Variants in MTUS2 observed in about 807,000 individuals in gnomAD.
MTUS2 encodes microtubule-associated tumor suppressor candidate 2.
A neutral mutation model predicts 114.1 loss-of-function variants in MTUS2; 40 were observed. The observed-to-expected ratio is 0.35, with a 90% confidence interval of 0.27 to 0.46. The LOEUF (loss-of-function observed/expected upper bound fraction) is 0.46, where lower values mean the gene tolerates loss of function less well. Among genes scored for constraint, MTUS2 ranks in the 20% least tolerant of loss-of-function variants. The pLI, the probability that MTUS2 is intolerant of heterozygous loss-of-function variation, is 1.00. For missense variants in MTUS2, 1,679 were observed against 1,705.4 expected (o/e 0.98, Z 0.27); for synonymous variants, 688 against 672.0 (o/e 1.02, Z -0.37).
intron 4 of MTUS2, 75 bp downstream of exon 4, chr13:29,034,200 C>T: frequency 6.3e-7 from 1 of 1,584,332 alleles, no homozygotes; most frequent in Non-Finnish European, 8.6e-7. Flanking sequence ...TGATAATTGT[C>T]TAAAATATGA....
In MTUS2 at chr13:29,496,812, G is replaced by A. The variant is rs1486292413; in HGVS notation, c.3580-426G>A. On this transcript the variant is annotated intron_variant, in intron 12 of 15. Transcript: ENST00000612955. The surrounding 1 kb of genome is among the most constrained non-coding windows in gnomAD (Gnocchi z 4.3). ...TCCCAAGGGAGAGAAAGAAGTCAAG[G>A]AGGGTTTGAAGGGATCTGAATTGAG... Among the ~76,000 whole-genome samples the A allele has an allele frequency of 6.6e-6, 1 of 152,048 alleles. No homozygotes were observed. Among genetic ancestry groups the A allele is most frequent in the African/African-American group, 2.4e-5 (1 of 41,362 alleles).
intron 2 of MTUS2, among the ~76,000 whole-genome samples, chr13:28,950,982 A>C (rs73439441): frequency 0.067 from 10,175 of 152,214 alleles, 1,066 homozygotes; most frequent in African/African-American, 0.22. Context: ...TACCTGTAAA[A>C]GACATCTAAA....
chr13:29,118,574 G>A (rs1321528940), intron 5 of MTUS2, among the ~76,000 whole-genome samples: 1 of 152,190 alleles, frequency 6.6e-6, no homozygotes, highest in Non-Finnish European at 1.5e-5. Flanking sequence ...AGTGCTCGTG[G>A]GAAGCTGAGT....
At chr13:29,346,866 T>C (rs1868748597) in intron 7 of MTUS2, among the ~76,000 whole-genome samples, 1 of 149,590 alleles carries the variant, frequency 6.7e-6, no homozygotes, top group Non-Finnish European at 1.5e-5. Context: ...TACCCCTATA[T>C]TTTGCTCAGC....
At chr13:28,959,796 A>C (rs968011992) in intron 2 of MTUS2, among the ~76,000 whole-genome samples, 1 of 152,218 alleles carries the variant, frequency 6.6e-6, no homozygotes. Context: ...CCTACCTCCA[A>C]CATTGGAGGG....
At chr13:29,371,257 G>A (rs1322121129) in intron 8 of MTUS2, among the ~76,000 whole-genome samples, 1 of 135,828 alleles carries the variant, frequency 7.4e-6, no homozygotes, top group Non-Finnish European at 1.5e-5. Context: ...TCGCTCTCTT[G>A]CCCAGGCTGG....
At chr13:29,107,744 G>A (rs530982469) in intron 5 of MTUS2, among the ~76,000 whole-genome samples, 9 of 152,224 alleles carry the variant, frequency 5.9e-5, no homozygotes, top group African/African-American at 2.2e-4. Context: ...GAGGCTATTC[G>A]TGAGAGAATT....
intron 2 of MTUS2, among the ~76,000 whole-genome samples, chr13:28,896,799 A>G (rs1207640941): frequency 3.9e-5 from 6 of 152,182 alleles, no homozygotes; most frequent in East Asian, 1.9e-4. Context: ...CAAGAAATGG[A>G]GAAAGGATTC....
chr13:28,903,767 G>T (rs897549836), intron 2 of MTUS2, among the ~76,000 whole-genome samples: 6 of 151,906 alleles, frequency 3.9e-5, no homozygotes, highest in Non-Finnish European at 8.8e-5. Flanking sequence ...AATCCTTTGG[G>T]TATATACCCA....
chr13:28,826,047 G>A (rs1441614081), intron 1 of MTUS2, among the ~76,000 whole-genome samples: 6 of 152,110 alleles, frequency 3.9e-5, no homozygotes, highest in Non-Finnish European at 7.4e-5. Context: ...TTTAGCTTTT[G>A]TAAGTGGGCC....
At chr13:29,028,369 G>A (rs551840630) in intron 3 of MTUS2, among the ~76,000 whole-genome samples, 1 of 152,116 alleles carries the variant, frequency 6.6e-6, no homozygotes, top group African/African-American at 2.4e-5. Flanking sequence ...GGCAGGATGA[G>A]ATCATCCTGT....
At chr13:29,144,970 A>G (rs955463970) in intron 5 of MTUS2, among the ~76,000 whole-genome samples, 1 of 152,206 alleles carries the variant, frequency 6.6e-6, no homozygotes, top group African/African-American at 2.4e-5. Context: ...AATTTAGGAA[A>G]TTATCAGACA....
At chr13:29,137,079 G>C (rs1322541763) in intron 5 of MTUS2, among the ~76,000 whole-genome samples, 2 of 152,110 alleles carry the variant, frequency 1.3e-5, no homozygotes, top group Non-Finnish European at 2.9e-5. Context: ...ACTGTGAGTG[G>C]TTAAGCAGAG....
chr13:29,014,194 G>A (rs774834948), intron 2 of MTUS2, among the ~76,000 whole-genome samples: 11 of 152,192 alleles, frequency 7.2e-5, no homozygotes, highest in Non-Finnish European at 1.0e-4. Context: ...TGGGGCTGAG[G>A]AGCCAGGCCC....
chr13:28,974,599 G>C (rs1045699073), intron 2 of MTUS2, among the ~76,000 whole-genome samples: 3 of 152,144 alleles, frequency 2.0e-5, no homozygotes, highest in Non-Finnish European at 4.4e-5. Flanking sequence ...TTAATACAAG[G>C]CTTGTTATAT....
At chr13:29,392,000 G>T (rs3121753) in intron 8 of MTUS2, among the ~76,000 whole-genome samples, 118,509 of 151,658 alleles carry the variant, frequency 0.78, 49,064 homozygotes, top group Non-Finnish European at 0.91. Flanking sequence ...GTGGTGGCAC[G>T]GCCTGTAATC....
chr13:28,870,491 G>A (rs949635702), intron 2 of MTUS2, among the ~76,000 whole-genome samples: 3 of 152,120 alleles, frequency 2.0e-5, no homozygotes, highest in Non-Finnish European at 2.9e-5. Flanking sequence ...TCTCTGGTTG[G>A]CCCATTCCCC....
At chr13:29,160,499 G>A (rs1213370555) in intron 5 of MTUS2, among the ~76,000 whole-genome samples, 1 of 152,152 alleles carries the variant, frequency 6.6e-6, no homozygotes, top group African/African-American at 2.4e-5. Flanking sequence ...GGCTGGGCGC[G>A]GTGGCTCACG....
chr13:29,332,264 G>A (rs370383366), intron 7 of MTUS2, among the ~76,000 whole-genome samples: 5 of 152,010 alleles, frequency 3.3e-5, no homozygotes, highest in Admixed American at 1.3e-4. Context: ...TCAGGGATTC[G>A]ACTTCTTCCT....
Sources: allele counts gnomAD v4.1 joint callset (sites outside exome capture counted in the v4.1 genomes callset), GRCh38; gene constraint gnomAD v4.1.1; non-coding constraint Gnocchi (gnomAD v3.1); transcripts MANE v1.5; gene names NCBI Gene and HGNC (gene_info 2026-07-23, HGNC 2026-07-21).